Variants in DLG2 observed in about 807,000 individuals in gnomAD.
DLG2 encodes disks large homolog 2.
Under a neutral mutation model 132.5 loss-of-function variants are expected in DLG2, and 45 were observed. That is an observed-to-expected ratio of 0.34 (90% confidence interval 0.27 to 0.44). The LOEUF is 0.44. Ranked by LOEUF, DLG2 falls within the 20% of genes least tolerant of loss-of-function variation. DLG2 has a pLI of 1.00. For missense variants in DLG2, 1,045 were observed against 1,196.9 expected, an observed-to-expected ratio of 0.87 and a Z score of 1.87; for synonymous variants, 424 against 419.6, an observed-to-expected ratio of 1.01 and a Z score of -0.13.
chr11:84,428,351 A>G (rs769646378), intron 7 of DLG2, among the ~76,000 whole-genome samples: 9 of 152,224 alleles, frequency 5.9e-5, no homozygotes, highest in Non-Finnish European at 1.2e-4. Flanking sequence ...CTTATTAGAC[A>G]TCATCATATA....
chr11:83,965,720 A>T (rs546051481), intron 12 of DLG2, among the ~76,000 whole-genome samples: 1 of 152,110 alleles, frequency 6.6e-6, no homozygotes, highest in African/African-American at 2.4e-5. Flanking sequence ...ATTTGTGGGA[A>T]GGAAAATAAG....
intron 3 of DLG2, among the ~76,000 whole-genome samples, chr11:85,410,867 C>A (rs1034482130): frequency 6.6e-6 from 1 of 151,734 alleles, no homozygotes; most frequent in African/African-American, 2.4e-5. Context: ...AAAACAGCCA[C>A]CCCCAATTAT....
chr11:83,873,251 T>A (rs2063823280), intron 16 of DLG2, among the ~76,000 whole-genome samples: 1 of 152,184 alleles, frequency 6.6e-6, no homozygotes, highest in Non-Finnish European at 1.5e-5. Context: ...AAAAAATACC[T>A]ATCTTGTAGG....
chr11:83,538,908 A>T (rs886424496), intron 20 of DLG2, among the ~76,000 whole-genome samples: 2 of 152,180 alleles, frequency 1.3e-5, no homozygotes, highest in African/African-American at 2.4e-5. Flanking sequence ...GAATTTTGCT[A>T]GCTCTTATTT....
intron 12 of DLG2, among the ~76,000 whole-genome samples, chr11:83,976,369 A>G: frequency 6.6e-6 from 1 of 151,958 alleles, no homozygotes; most frequent in East Asian, 1.9e-4. Flanking sequence ...TAGAAAGAAT[A>G]GCATATTTAG....
intron 4 of DLG2, among the ~76,000 whole-genome samples, chr11:85,280,845 G>C (rs915035664): frequency 2.6e-5 from 4 of 151,954 alleles, no homozygotes; most frequent in Admixed American, 2.6e-4. Context: ...CCTCGGAATA[G>C]ATGCTTCTTT....
At chr11:85,578,576 T>G (rs117711427) in intron 3 of DLG2, among the ~76,000 whole-genome samples, 2 of 152,112 alleles carry the variant, frequency 1.3e-5, no homozygotes, top group African/African-American at 4.8e-5. Flanking sequence ...GCAAAGGACA[T>G]GAACAGGCAC....
intron 11 of DLG2, among the ~76,000 whole-genome samples, chr11:84,020,314 G>A (rs554807924): frequency 3.2e-4 from 48 of 152,122 alleles, no homozygotes; most frequent in African/African-American, 1.0e-3. Flanking sequence ...TGTATGTTAC[G>A]AAATATATAT....
At chr11:84,762,545 T>C (rs1045923947) in intron 6 of DLG2, among the ~76,000 whole-genome samples, 1 of 152,152 alleles carries the variant, frequency 6.6e-6, no homozygotes, top group African/African-American at 2.4e-5. Context: ...TTAATATAGT[T>C]TTTTGCTTTG....
chr11:84,493,650 C>A (rs2099171290), intron 7 of DLG2, among the ~76,000 whole-genome samples: 1 of 152,084 alleles, frequency 6.6e-6, no homozygotes, highest in African/African-American at 2.4e-5. Flanking sequence ...CCACCACTCA[C>A]ATAGCTCTGA....
intron 8 of DLG2, among the ~76,000 whole-genome samples, chr11:84,241,023 A>C (rs987926758): frequency 6.6e-6 from 1 of 152,206 alleles, no homozygotes; most frequent in East Asian, 1.9e-4. Flanking sequence ...AACTCAGGAC[A>C]TGTGAGTTGC....
At chr11:84,455,500 C>A (rs2099062959) in intron 7 of DLG2, among the ~76,000 whole-genome samples, 1 of 151,198 alleles carries the variant, frequency 6.6e-6, no homozygotes, top group South Asian at 2.1e-4. Context: ...TTAACCTCAG[C>A]AACCTTTGGC....
chr11:84,723,498 T>C (rs2062064288), intron 6 of DLG2, among the ~76,000 whole-genome samples: 2 of 152,202 alleles, frequency 1.3e-5, no homozygotes, highest in African/African-American at 4.8e-5. Context: ...TTTCCCTTAA[T>C]TCTCCTCTCC....
intron 6 of DLG2, among the ~76,000 whole-genome samples, chr11:84,703,683 A>G (rs2059433505): frequency 6.6e-6 from 1 of 151,262 alleles, no homozygotes. Flanking sequence ...AAATTTGATA[A>G]CAATGAACAT....
intron 6 of DLG2, among the ~76,000 whole-genome samples, chr11:84,973,403 C>T (rs562200225): frequency 2.6e-5 from 4 of 152,158 alleles, no homozygotes; most frequent in African/African-American, 4.8e-5. Context: ...TTATGTTCCT[C>T]GTGAAATGTA....
chr11:85,235,212 A>T (rs1172744391), intron 4 of DLG2, among the ~76,000 whole-genome samples: 1 of 139,714 alleles, frequency 7.2e-6, no homozygotes, highest in Non-Finnish European at 1.5e-5. Flanking sequence ...ATTCATTTCA[A>T]AAGTTTACAG....
At chr11:84,641,954 C>T (rs1251810681) in intron 6 of DLG2, among the ~76,000 whole-genome samples, 5 of 149,000 alleles carry the variant, frequency 3.4e-5, no homozygotes, top group East Asian at 2.0e-4. Context: ...CACATCCATA[C>T]GTATATATGT....
chr11:85,268,878 A>G (rs1193764618), intron 4 of DLG2, among the ~76,000 whole-genome samples: 2 of 152,234 alleles, frequency 1.3e-5, no homozygotes, highest in African/African-American at 4.8e-5. Context: ...ATAGAAAAGA[A>G]AGTATATTTG....
At chr11:83,830,246 G>A (rs747510234) in intron 17 of DLG2, among the ~76,000 whole-genome samples, 7 of 152,122 alleles carry the variant, frequency 4.6e-5, no homozygotes, top group Admixed American at 6.6e-5. Context: ...TATCTAAGAC[G>A]ACTATAATTC....
Sources: allele counts gnomAD v4.1 joint callset (sites outside exome capture counted in the v4.1 genomes callset), GRCh38; gene constraint gnomAD v4.1.1; transcripts MANE v1.5; gene names NCBI Gene and HGNC (gene_info 2026-07-23, HGNC 2026-07-21).